The following CUX2 variants were observed in gnomAD, a reference collection of about 807,000 sequenced individuals.
The protein encoded by CUX2 is homeobox protein cut-like 2.
CUX2 carries 40 observed loss-of-function variants against 144.8 expected under a neutral mutation model. The observed-to-expected ratio is 0.28, with a 90% confidence interval of 0.21 to 0.36. The LOEUF is 0.36. Ranked by LOEUF, CUX2 falls within the 10% of genes least tolerant of loss-of-function variation. The pLI, the probability that CUX2 is intolerant of heterozygous loss-of-function variation, is 1.00. For missense variants in CUX2, 1,615 were observed against 1,994.0 expected (o/e 0.81, Z 3.62); for synonymous variants, 827 against 875.6 (o/e 0.94, Z 0.98).
intron 1 of CUX2, among the ~76,000 whole-genome samples, chr12:111,082,410 T>C (rs982856681): frequency 2.0e-5 from 3 of 152,194 alleles, no homozygotes; most frequent in Admixed American, 2.0e-4. Flanking sequence ...TTTGCCACTT[T>C]AGTGGGAAGA....
chr12:111,314,391 C>G (rs1161534707), intron 16 of CUX2, among the ~76,000 whole-genome samples: 1 of 152,006 alleles, frequency 6.6e-6, no homozygotes, highest in Non-Finnish European at 1.5e-5. Flanking sequence ...ATCTGGGCCT[C>G]TGGGAGGCCG....
chr12:111,231,938 T>C (rs916292630), intron 3 of CUX2, among the ~76,000 whole-genome samples: 3 of 152,078 alleles, frequency 2.0e-5, no homozygotes, highest in Non-Finnish European at 1.5e-5. Flanking sequence ...AAACCCTGTC[T>C]CTACTAAAAA....
intron 1 of CUX2, among the ~76,000 whole-genome samples, chr12:111,107,477 T>A (rs1164666486): frequency 6.6e-6 from 1 of 152,274 alleles, no homozygotes; most frequent in Non-Finnish European, 1.5e-5. Context: ...GTTCTTCTGT[T>A]GCCTCAGGGA....
At position 111,037,732 on chromosome 12, in the gene CUX2, C is replaced by G. The variant is rs1279378827; in HGVS notation, c.63+3492C>G. On this transcript the variant is annotated intron_variant, in intron 1 of 21. Coordinates refer to ENST00000261726, the MANE Select transcript of CUX2 (RefSeq NM_015267.4). The surrounding 1 kb of genome is among the most constrained non-coding windows in gnomAD (Gnocchi z 5.4). ...TTATGGCTTTTCTGTGTATAATCGTCGTAACCGGATTCATACCTTTATGAT... is the reference window on the plus strand; with the variant it reads ...TTATGGCTTTTCTGTGTATAATCGTGGTAACCGGATTCATACCTTTATGAT... 6.6e-6 allele frequency among the ~76,000 whole-genome samples: 1 copy of G among 152,012 alleles called. No individual in the cohort carries two copies. The highest frequency in any genetic ancestry group is 2.4e-5 in the African/African-American group (1 of 41,408).
Position 111,135,465 on chromosome 12 carries a change from C to A in CUX2, c.64-78735C>A, listed in dbSNP as rs185673606. The stretch of plus-strand genomic sequence containing the variant: ...ACATAGACTTAACCATGTGACCCAG[C>A]AATTCTGCTCCCAGGAATATACCCA... On this transcript the variant is annotated intron_variant, in intron 1 of 21. Coordinates refer to ENST00000261726, the MANE Select transcript of CUX2 (RefSeq NM_015267.4). Among the ~76,000 whole-genome samples, 8 of 152,306 alleles carry A rather than the reference C, an allele frequency of 5.3e-5. No homozygotes were observed. The East Asian group carries it at 1.2e-3, about 22-fold the overall frequency.
rs1232897708 is a variant in CUX2, at chr12:111,310,942, G to A, written c.1900+260G>A. On this transcript the variant is annotated intron_variant, in intron 15 of 21. Coordinates refer to ENST00000261726, the MANE Select transcript of CUX2 (RefSeq NM_015267.4). The surrounding 1 kb of genome is among the most constrained non-coding windows in gnomAD (Gnocchi z 7.9). ...GGGGCACTCAGGGTAAGGGTGGCGG[G>A]AAAAGGCTCCAGGCGCTGCCCTGGC... Among the ~76,000 whole-genome samples, 1 of 152,256 alleles carries A rather than the reference G, an allele frequency of 6.6e-6. No homozygotes were observed. Among genetic ancestry groups the A allele is most frequent in the African/African-American group, 2.4e-5 (1 of 41,470 alleles).
intron 3 of CUX2, among the ~76,000 whole-genome samples, chr12:111,225,458 C>G (rs1882086231): frequency 6.6e-6 from 1 of 152,218 alleles, no homozygotes; most frequent in Non-Finnish European, 1.5e-5. Context: ...GTCACCTCCT[C>G]TCAGCAACGC....
chr12:111,153,261 C>T (rs564349492), intron 1 of CUX2, among the ~76,000 whole-genome samples: 3 of 152,266 alleles, frequency 2.0e-5, no homozygotes, highest in East Asian at 1.9e-4. Flanking sequence ...ATTCAATAAG[C>T]GTATTATGAT....
chr12:111,163,306 T>G (rs1435320441), intron 1 of CUX2, among the ~76,000 whole-genome samples: 1 of 152,206 alleles, frequency 6.6e-6, no homozygotes, highest in South Asian at 2.1e-4. Context: ...GGCCAGACAG[T>G]AAATATTTTC....
chr12:111,082,906 A>G lies in CUX2; in HGVS notation c.63+48666A>G, dbSNP rs559105167. ...GGGTTGCTGGGTAGCTTGGTGGGCC[A>G]TGGGGAGCCATGGAGGACATTTGAG... On this transcript the variant is annotated intron_variant, in intron 1 of 21. Transcript: ENST00000261726. 4.6e-5 allele frequency among the ~76,000 whole-genome samples: 7 copies of G among 152,206 alleles called. No individual in the cohort carries two copies. The East Asian group carries it at 5.8e-4, about 13-fold the overall frequency.
At chr12:111,292,315 G>C (rs1344563002) in intron 5 of CUX2, among the ~76,000 whole-genome samples, 1 of 152,110 alleles carries the variant, frequency 6.6e-6, no homozygotes, top group African/African-American at 2.4e-5. Context: ...GTGCTGGCCA[G>C]GTGCAGTGGC....
chr12:111,333,068 G>A (rs1462236825), intron 18 of CUX2, among the ~76,000 whole-genome samples: 1 of 152,126 alleles, frequency 6.6e-6, no homozygotes, highest in Non-Finnish European at 1.5e-5. Flanking sequence ...AATTAGCCGG[G>A]TGTGGTGGCA....
chr12:111,310,743 T>A lies in CUX2; in HGVS notation c.1900+61T>A, dbSNP rs531128336. The A allele has an allele frequency of 1.3e-6, 2 of 1,523,730 alleles. No homozygotes were observed. Among genetic ancestry groups the A allele is most frequent in the African/African-American group, 1.4e-5 (1 of 73,436 alleles). 94.4% of individuals were successfully genotyped at this position (1,523,730 alleles called of 1,614,324 possible). On this transcript the variant is annotated intron_variant, in intron 15 of 21. Coordinates refer to ENST00000261726, the MANE Select transcript of CUX2 (RefSeq NM_015267.4). The surrounding 1 kb of genome is among the most constrained non-coding windows in gnomAD (Gnocchi z 7.9). ...CACGCCAGGTCCAGGGCATCAGGGC[T>A]GGGGGCTGAGGACACGCGCTCTGGG... is the stretch of plus-strand genomic sequence containing the variant.
intron 1 of CUX2, among the ~76,000 whole-genome samples, chr12:111,183,417 T>C (rs1879317229): frequency 6.6e-6 from 1 of 152,230 alleles, no homozygotes; most frequent in South Asian, 2.1e-4. Flanking sequence ...CACCAGAGAA[T>C]TCTGTGCAAG....
chr12:111,044,973 T>A (rs992336989), intron 1 of CUX2, among the ~76,000 whole-genome samples: 1 of 152,210 alleles, frequency 6.6e-6, no homozygotes, highest in Non-Finnish European at 1.5e-5. Context: ...TATATCTATT[T>A]ATTAATTGCT....
chr12:111,189,256 A>AT (rs2136191883), intron 1 of CUX2, among the ~76,000 whole-genome samples: 1 of 152,330 alleles, frequency 6.6e-6, no homozygotes, highest in Admixed American at 6.5e-5. Flanking sequence ...TGGGTGACAG[A>AT]ATGAGACCCT....
At chr12:111,291,656 C>G in intron 5 of CUX2, 104 bp downstream of exon 5, 2 of 1,341,216 alleles carry the variant, frequency 1.5e-6, no homozygotes, top group Non-Finnish European at 2.0e-6. Context: ...GGGCAGGGAA[C>G]TGGGCAGGTG....
intron 1 of CUX2, among the ~76,000 whole-genome samples, chr12:111,150,517 C>T (rs1876969681): frequency 6.6e-6 from 1 of 152,126 alleles, no homozygotes; most frequent in South Asian, 2.1e-4. Flanking sequence ...TTGGTTTTTC[C>T]CCCTTGGGCT....
At chr12:111,232,113 C>A (rs1464604228) in intron 3 of CUX2, among the ~76,000 whole-genome samples, 1 of 152,006 alleles carries the variant, frequency 6.6e-6, no homozygotes, top group Non-Finnish European at 1.5e-5. Context: ...CTGAGTATGA[C>A]ACTCAATCAG....
Sources: allele counts gnomAD v4.1 joint callset (sites outside exome capture counted in the v4.1 genomes callset), GRCh38; gene constraint gnomAD v4.1.1; non-coding constraint Gnocchi (gnomAD v3.1); transcripts MANE v1.5; gene names NCBI Gene and HGNC (gene_info 2026-07-23, HGNC 2026-07-21).